PTPRN2: variants seen among roughly 807,000 people sequenced by gnomAD.
PTPRN2 encodes the protein protein tyrosine phosphatase receptor type N2, also known as receptor-type tyrosine-protein phosphatase N2.
Under a neutral mutation model 118.8 loss-of-function variants are expected in PTPRN2, and 74 were observed. That is an observed-to-expected ratio of 0.62 (90% CI 0.52 to 0.76). PTPRN2 has a LOEUF of 0.76. PTPRN2 is among the 30% of genes least tolerant of loss of function. PTPRN2 has a pLI of 0.00. For missense variants in PTPRN2, 1,481 were observed against 1,394.4 expected (o/e 1.06, Z -0.99); for synonymous variants, 641 against 608.0 (o/e 1.05, Z -0.80).
chr7:157,980,353 G>A (rs1448602055), intron 11 of PTPRN2, among the ~76,000 whole-genome samples: 1 of 152,192 alleles, frequency 6.6e-6, no homozygotes, highest in Non-Finnish European at 1.5e-5. Flanking sequence ...AAATATCTTA[G>A]AAATTCAGTC....
At chr7:158,390,683 G>A (rs776133477) in intron 2 of PTPRN2, among the ~76,000 whole-genome samples, 58 of 152,224 alleles carry the variant, frequency 3.8e-4, no homozygotes, top group Non-Finnish European at 6.6e-4. Context: ...CCCCGTCCCA[G>A]AGGGTGCAGA....
At chr7:158,327,896 C>A (rs1416433308) in intron 2 of PTPRN2, among the ~76,000 whole-genome samples, 1 of 152,170 alleles carries the variant, frequency 6.6e-6, no homozygotes, top group African/African-American at 2.4e-5. Context: ...CAAAGCAGCA[C>A]CACAGACGGA....
chr7:158,131,463 C>T (rs923790401), intron 9 of PTPRN2, among the ~76,000 whole-genome samples: 1 of 150,048 alleles, frequency 6.7e-6, no homozygotes, highest in African/African-American at 2.5e-5. Context: ...ATCTACCTGA[C>T]ACACGCACTC....
chr7:158,127,622 C>T (rs558644795), intron 9 of PTPRN2, among the ~76,000 whole-genome samples: 9 of 152,182 alleles, frequency 5.9e-5, no homozygotes, highest in Non-Finnish European at 8.8e-5. Context: ...TTCACTTCCC[C>T]AAAATCCACC....
At chr7:157,713,463 T>C (rs1798752776) in intron 12 of PTPRN2, among the ~76,000 whole-genome samples, 1 of 152,182 alleles carries the variant, frequency 6.6e-6, no homozygotes, top group Non-Finnish European at 1.5e-5. Flanking sequence ...CAAGTCTCTA[T>C]CTTTTCTTTT....
intron 15 of PTPRN2, among the ~76,000 whole-genome samples, chr7:157,620,010 G>A (rs1162621790): frequency 1.3e-5 from 2 of 152,196 alleles, no homozygotes; most frequent in Non-Finnish European, 2.9e-5. Flanking sequence ...CTCGAAGTGT[G>A]AGCTGACGAA....
At chr7:158,033,679 C>G (rs1273072165) in intron 11 of PTPRN2, among the ~76,000 whole-genome samples, 1 of 152,160 alleles carries the variant, frequency 6.6e-6, no homozygotes, top group African/African-American at 2.4e-5. Flanking sequence ...TGCTGAGGCC[C>G]AGGTGAGCAT....
chr7:158,502,627 C>T (rs1339875626), intron 1 of PTPRN2, among the ~76,000 whole-genome samples: 1 of 152,278 alleles, frequency 6.6e-6, no homozygotes, highest in Non-Finnish European at 1.5e-5. Flanking sequence ...CCAGTTCACA[C>T]AGCGAGGCTA....
chr7:158,253,577 G>T (rs4909155), intron 3 of PTPRN2, among the ~76,000 whole-genome samples: 1 of 151,882 alleles, frequency 6.6e-6, no homozygotes, highest in Admixed American at 6.5e-5. Context: ...GGCCAGGACC[G>T]CGCCCCACAG....
chr7:157,723,036 T>C (rs1461893933), intron 12 of PTPRN2, among the ~76,000 whole-genome samples: 2 of 152,218 alleles, frequency 1.3e-5, no homozygotes, highest in Non-Finnish European at 2.9e-5. Flanking sequence ...CTCTCACCAA[T>C]GCAGATGGTC....
At chr7:158,377,677 C>G (rs572099324) in intron 2 of PTPRN2, among the ~76,000 whole-genome samples, 10 of 152,312 alleles carry the variant, frequency 6.6e-5, no homozygotes, top group South Asian at 6.2e-4. Context: ...AAACCGGCAT[C>G]GGTGGTTTAT....
At chr7:158,162,061 C>T (rs1210629344) in intron 6 of PTPRN2, among the ~76,000 whole-genome samples, 2 of 152,078 alleles carry the variant, frequency 1.3e-5, no homozygotes, top group South Asian at 2.1e-4. Flanking sequence ...TCAGAAGGGC[C>T]GGAACCCAGA....
At chr7:158,334,297 A>T (rs796533714) in intron 2 of PTPRN2, among the ~76,000 whole-genome samples, 236 of 6,478 alleles carry the variant, frequency 0.036, 67 homozygotes, top group East Asian at 0.1. Context: ...TCACCATAAG[A>T]GCTGACACCT....
At chr7:157,653,370 C>A (rs192703150) in intron 14 of PTPRN2, among the ~76,000 whole-genome samples, 94 of 152,242 alleles carry the variant, frequency 6.2e-4, no homozygotes, top group African/African-American at 2.1e-3. Context: ...CGAGGCTTTG[C>A]GCACAGAGGG....
chr7:158,151,107 T>C lies in PTPRN2; in HGVS notation c.911-12592A>G, dbSNP rs1301946848. On this transcript the variant is annotated intron_variant, in intron 6 of 22. Transcript: ENST00000389418. Reference sequence around the variant, plus strand: ...TGCCTGCCCAAACCGCCCGCCTTTCTGCTCCTACCCCTGCCCACACCGCCC... The same window carrying C: ...TGCCTGCCCAAACCGCCCGCCTTTCCGCTCCTACCCCTGCCCACACCGCCC... 3.7e-3 allele frequency among the ~76,000 whole-genome samples: 34 copies of C among 9,206 alleles called. 4 individuals are homozygous for C. The highest frequency in any genetic ancestry group is 0.025 in the South Asian group (12 of 480). The allele number at this position is 9,206 out of a possible 152,430, so 6.0% of individuals were successfully genotyped here.
chr7:158,048,201 T>C (rs12698134), intron 11 of PTPRN2, among the ~76,000 whole-genome samples: 48,941 of 151,888 alleles, frequency 0.32, 8,807 homozygotes, highest in Non-Finnish European at 0.42. Context: ...ATTTTCATCA[T>C]AAAATATTGG....
intron 6 of PTPRN2, among the ~76,000 whole-genome samples, chr7:158,147,570 C>G (rs1585621056): frequency 7.1e-6 from 1 of 140,002 alleles, no homozygotes; most frequent in East Asian, 2.1e-4. Flanking sequence ...CACTGACACC[C>G]CATCTCACGC....
intron 1 of PTPRN2, among the ~76,000 whole-genome samples, chr7:158,508,907 G>A (rs967266284): frequency 1.3e-5 from 2 of 148,324 alleles, no homozygotes; most frequent in Admixed American, 6.7e-5. Context: ...TGGGACGCTC[G>A]GAGCAGGTGC....
At chr7:158,189,259 G>A (rs1039203673) in intron 5 of PTPRN2, among the ~76,000 whole-genome samples, 6 of 152,332 alleles carry the variant, frequency 3.9e-5, no homozygotes, top group South Asian at 2.1e-4. Context: ...CCCTCGAGGC[G>A]AATCCATGCT....
Sources: gnomAD v4.1 joint callset for allele counts (sites outside exome capture counted in the v4.1 genomes callset) on GRCh38, gnomAD v4.1.1 for gene constraint, MANE v1.5 for transcripts, NCBI Gene and HGNC (gene_info 2026-07-23, HGNC 2026-07-21) for gene names.